Variants in CYTH4 observed in about 807,000 individuals in gnomAD.
The protein encoded by CYTH4 is cytohesin-4.
Under a neutral mutation model 57.5 loss-of-function variants are expected in CYTH4, and 22 were observed. The observed-to-expected ratio is 0.38, with a 90% CI of 0.27 to 0.55. The LOEUF is 0.55. Ranked by LOEUF, CYTH4 falls within the 20% of genes least tolerant of loss-of-function variation. The probability of loss-of-function intolerance (pLI) is 0.74; values close to 1 mark genes in which losing one functional copy is unlikely to be tolerated. For missense variants in CYTH4, 420 were observed against 535.6 expected, an observed-to-expected ratio of 0.78 and a Z score of 2.13; for synonymous variants, 186 against 206.5, an observed-to-expected ratio of 0.90 and a Z score of 0.85.
At chr22:37,292,528 T>A in intron 1 of CYTH4, 93 bp from the exon 2 acceptor site, 1 of 1,333,460 alleles carries the variant, frequency 7.5e-7, no homozygotes, top group Non-Finnish European at 1.1e-6. Flanking sequence ...GGGCAAGTCC[T>A]GGGTTTCCGG....
intron 1 of CYTH4, among the ~76,000 whole-genome samples, chr22:37,287,931 C>G (rs905252744): frequency 4.6e-5 from 7 of 152,134 alleles, no homozygotes; most frequent in African/African-American, 7.2e-5. Context: ...GTATAAGTGT[C>G]CCCGCCAACT....
At chr22:37,306,295 G>T (rs1358434432) in intron 8 of CYTH4, among the ~76,000 whole-genome samples, 1 of 152,210 alleles carries the variant, frequency 6.6e-6, no homozygotes, top group Non-Finnish European at 1.5e-5. Context: ...CAGTCTCCCA[G>T]TTCCAGGCAT....
intron 8 of CYTH4, 122 bp from the exon 9 acceptor site, chr22:37,309,090 G>A (rs973943000): frequency 6.8e-6 from 5 of 738,244 alleles, no homozygotes; most frequent in African/African-American, 3.6e-5. Flanking sequence ...CGATAAACAG[G>A]TGAGGAAAGA....
At chr22:37,290,064 C>T (rs1479659800) in intron 1 of CYTH4, among the ~76,000 whole-genome samples, 1 of 152,136 alleles carries the variant, frequency 6.6e-6, no homozygotes, top group Non-Finnish European at 1.5e-5. Context: ...ACCCCATGGG[C>T]CAAGGTACCA....
chr22:37,294,631 C>G (rs1368040040), intron 2 of CYTH4, 29 bp from the exon 3 acceptor site: 1 of 1,613,058 alleles, frequency 6.2e-7, no homozygotes, highest in Non-Finnish European at 8.5e-7. Context: ...ACCCCTGACT[C>G]TCCCTGTCCT....
intron 1 of CYTH4, among the ~76,000 whole-genome samples, chr22:37,286,554 G>A (rs1393712620): frequency 6.6e-6 from 1 of 152,182 alleles, no homozygotes; most frequent in East Asian, 1.9e-4. Flanking sequence ...ATGGGAAGGG[G>A]TGGGGGCAGG....
chr22:37,312,080 G>T lies in CYTH4; in HGVS notation c.1018G>T (p.Asp340Tyr), dbSNP rs778743869. 3 of 1,614,096 alleles carry T rather than the reference G, an allele frequency of 1.9e-6. No individual in the cohort carries two copies. Among genetic ancestry groups the T allele is most frequent in the African/African-American group, 2.7e-5 (2 of 74,934 alleles). The change falls in exon 12 of 13, where the codon GAT becomes TAT. Residue 340 changes from aspartate (D) to tyrosine (Y), a missense_variant. Transcript: ENST00000248901. ...CCAGAAAATCAAGGCCTGCAAGACC[G>T]ATGGCGACGGCAGGGTGGTGGAGGG... Reference protein sequence around the residue: ...RGQKIKACKTDGDGRVVEGKH... With the variant: ...RGQKIKACKTYGDGRVVEGKH...
Position 37,282,576 on chromosome 22 carries a change from C to G in CYTH4, c.7C>G (p.Leu3Val), listed in dbSNP as rs773314111. MD[L>V]CHPEPAELSS... is the part of the protein sequence containing the mutation. ...TTTCCCCAGAGGCGTCGGAATGGAC[C>G]TGTGCCACCCAGGTAAGCAACTGCC... The change falls in exon 1 of 13, where the codon CTG becomes GTG. Residue 3 changes from leucine (L) to valine (V), a missense_variant. Transcript: ENST00000248901. The G allele has an allele frequency of 1.2e-6, 2 of 1,613,364 alleles. No homozygotes were observed. The highest frequency in any genetic ancestry group is 8.5e-7 in the Non-Finnish European group (1 of 1,179,676).
At chr22:37,300,873 C>A in intron 6 of CYTH4, 34 bp from the exon 7 acceptor site, 1 of 1,585,998 alleles carries the variant, frequency 6.3e-7, no homozygotes, top group Non-Finnish European at 8.6e-7. Flanking sequence ...AGGGCCCACC[C>A]ACTCCACTGC....
intron 12 of CYTH4, among the ~76,000 whole-genome samples, chr22:37,312,559 C>A (rs1929685285): frequency 6.6e-6 from 1 of 152,196 alleles, no homozygotes; most frequent in Non-Finnish European, 1.5e-5. Flanking sequence ...GTAAAAGGAC[C>A]CGGACCCATG....
chr22:37,308,601 T>C (rs1929500968), intron 8 of CYTH4, among the ~76,000 whole-genome samples: 2 of 151,502 alleles, frequency 1.3e-5, no homozygotes, highest in African/African-American at 4.8e-5. Context: ...TGTCTGAGTG[T>C]GCATGTATGT....
At position 37,301,474 on chromosome 22, in the gene CYTH4, T is replaced by C. The variant is rs905681903; in HGVS notation, c.547+455T>C. 2.0e-5 allele frequency among the ~76,000 whole-genome samples: 3 copies of C among 151,868 alleles called. No homozygotes were observed. The East Asian group carries it at 5.8e-4, about 30-fold the overall frequency. The stretch of plus-strand genomic sequence containing the variant: ...CAGGGTGTAGGGGGCAAAAGGGGCA[T>C]AGAAGGAGATACATAAAGGTCAGTC... On this transcript the variant is annotated intron_variant, in intron 7 of 12. Transcript: ENST00000248901.
At chr22:37,304,925 C>T (rs1569110562) in intron 8 of CYTH4, among the ~76,000 whole-genome samples, 1 of 152,184 alleles carries the variant, frequency 6.6e-6, no homozygotes, top group Non-Finnish European at 1.5e-5. Flanking sequence ...TAATACCTGC[C>T]TCCTGCGTGG....
In CYTH4 at chr22:37,298,403, G is replaced by C. The variant is rs965999179; in HGVS notation, c.353+721G>C. 8.0e-5 allele frequency: 13 copies of C among 162,804 alleles called. No homozygotes were observed. The highest frequency in any genetic ancestry group is 2.9e-4 in the African/African-American group (12 of 41,574). The allele number at this position is 162,804 out of a possible 1,614,324, so 10.1% of individuals were successfully genotyped here. ...AAAAAAGAAAAGAAAAGAAAACAAA[G>C]AAAGAAAGACATGCTGGGGACCATA... On this transcript the variant is annotated intron_variant, in intron 5 of 12. Transcript: ENST00000248901. This position sits in a 1 kb window ranked among gnomAD's most constrained non-coding sequence, Gnocchi z 4.1.
chr22:37,312,762 T>C (rs1187736024), intron 12 of CYTH4, among the ~76,000 whole-genome samples: 1 of 152,122 alleles, frequency 6.6e-6, no homozygotes, highest in African/African-American at 2.4e-5. Flanking sequence ...AGCCAAAGTG[T>C]AGGGACTGGT....
chr22:37,286,037 A>AT (rs1165822642), intron 1 of CYTH4, among the ~76,000 whole-genome samples: 1 of 152,202 alleles, frequency 6.6e-6, no homozygotes, highest in East Asian at 1.9e-4. Context: ...CACTATTCCC[A>AT]TGCAATCCCA....
chr22:37,310,333 C>G (rs978009987), intron 9 of CYTH4, among the ~76,000 whole-genome samples: 4 of 152,074 alleles, frequency 2.6e-5, no homozygotes, highest in Non-Finnish European at 5.9e-5. Context: ...AACCCCAGCT[C>G]CTCCACCCAA....
chr22:37,293,980 G>T (rs910243650), intron 2 of CYTH4, among the ~76,000 whole-genome samples: 1 of 151,664 alleles, frequency 6.6e-6, no homozygotes, highest in Admixed American at 6.6e-5. Context: ...TGGTGTCCCC[G>T]TAGTACCTGG....
At chr22:37,306,644 C>T (rs1380376937) in intron 8 of CYTH4, among the ~76,000 whole-genome samples, 1 of 152,358 alleles carries the variant, frequency 6.6e-6, no homozygotes, top group Admixed American at 6.5e-5. Flanking sequence ...GATCAGAGAT[C>T]GATCTGCCTT....
Sources: allele counts gnomAD v4.1 joint callset (sites outside exome capture counted in the v4.1 genomes callset), GRCh38; gene constraint gnomAD v4.1.1; non-coding constraint Gnocchi (gnomAD v3.1); transcripts MANE v1.5; gene names NCBI Gene and HGNC (gene_info 2026-07-23, HGNC 2026-07-21).